LCORL: variants seen among roughly 807,000 people sequenced by gnomAD.
The protein encoded by LCORL is ligand dependent nuclear receptor corepressor like.
Under a neutral mutation model 141.8 loss-of-function variants are expected in LCORL, and 41 were observed. That is an observed-to-expected ratio of 0.29 (90% CI 0.23 to 0.38). LCORL has a LOEUF of 0.38. LCORL is among the 10% of genes least tolerant of loss of function. LCORL has a pLI of 1.00. For synonymous variants in LCORL, 618 were observed against 694.1 expected (o/e 0.89, Z 1.72); for missense variants, 1,759 against 2,035.0 (o/e 0.86, Z 2.61).
intron 5 of LCORL, among the ~76,000 whole-genome samples, chr4:17,895,622 T>G (rs1465827914): frequency 1.3e-5 from 2 of 152,188 alleles, no homozygotes; most frequent in Non-Finnish European, 2.9e-5. Flanking sequence ...TTCTCTGTAT[T>G]CAGAGTTGTG....
intron 7 of LCORL, among the ~76,000 whole-genome samples, chr4:17,865,299 A>G (rs1470343340): frequency 6.6e-6 from 1 of 152,228 alleles, no homozygotes; most frequent in African/African-American, 2.4e-5. Flanking sequence ...CAAACAGTAT[A>G]TTAGAATTAA....
intron 1 of LCORL, among the ~76,000 whole-genome samples, chr4:17,989,320 T>C (rs1449717260): frequency 1.3e-5 from 2 of 152,248 alleles, no homozygotes; most frequent in Non-Finnish European, 2.9e-5. Flanking sequence ...TTTTTGTAGA[T>C]ATCATATCTT....
At chr4:17,861,104 A>C (rs1724958350) in intron 7 of LCORL, among the ~76,000 whole-genome samples, 1 of 152,156 alleles carries the variant, frequency 6.6e-6, no homozygotes, top group Admixed American at 6.5e-5. Context: ...CTCTTCTCAC[A>C]GTTCCGCTAG....
chr4:17,907,604 G>A (rs1189998069), intron 5 of LCORL, among the ~76,000 whole-genome samples: 1 of 152,112 alleles, frequency 6.6e-6, no homozygotes, highest in Non-Finnish European at 1.5e-5. Context: ...TCTAAGTACT[G>A]ATATTTTTTT....
chr4:17,962,014 C>G, exon 4 of LCORL: 2 of 1,606,142 alleles, frequency 1.2e-6, no homozygotes, highest in East Asian at 2.2e-5. Context: ...TGTGAAGAAT[C>G]AAGAGATGGT....
In LCORL at chr4:18,021,194, G is replaced by T. The variant is rs568136143; in HGVS notation, c.154+404C>A. ...CGGACCAGCCCGCCTTCCTCCGGCC[G>T]CCCTGCCCGCCGGCTCTCCTCCGCC... is the stretch of plus-strand genomic sequence containing the variant. On this transcript the variant is annotated intron_variant, in intron 1 of 7. Coordinates refer to ENST00000635767, the Ensembl canonical transcript of LCORL. This position sits in a 1 kb window ranked among gnomAD's most constrained non-coding sequence, Gnocchi z 5.5. Among the ~76,000 whole-genome samples, 76 of 152,122 alleles carry T rather than the reference G, an allele frequency of 5.0e-4. No individual in the cohort carries two copies. Among genetic ancestry groups the T allele is most frequent in the African/African-American group, 1.8e-3 (75 of 41,560 alleles).
At chr4:17,897,240 T>TTTTTTTTTTTTTTG in intron 5 of LCORL, among the ~76,000 whole-genome samples, 2 of 132,976 alleles carry the variant, frequency 1.5e-5, no homozygotes, top group Non-Finnish European at 3.1e-5. Flanking sequence ...TTTTTTTTTT[T>TTTTTTTTTTTTTTG]TTTTTTTTTT....
At chr4:17,890,676 C>A (rs1195196155) in intron 5 of LCORL, among the ~76,000 whole-genome samples, 1 of 151,912 alleles carries the variant, frequency 6.6e-6, no homozygotes, top group Non-Finnish European at 1.5e-5. Context: ...GTAAAATGTA[C>A]AGAATTAAAG....
chr4:17,943,979 T>C (rs1738411718), intron 4 of LCORL, among the ~76,000 whole-genome samples: 1 of 152,206 alleles, frequency 6.6e-6, no homozygotes, highest in African/African-American at 2.4e-5. Flanking sequence ...CTACCCACCC[T>C]AGGTGGTTTT....
intron 7 of LCORL, among the ~76,000 whole-genome samples, chr4:17,860,665 C>CT (rs1724896701): frequency 6.6e-6 from 1 of 152,194 alleles, no homozygotes; most frequent in African/African-American, 2.4e-5. Flanking sequence ...ATTCAAAAGT[C>CT]CACAGTCCAA....
intron 2 of LCORL, among the ~76,000 whole-genome samples, chr4:17,965,080 A>C (rs1397354060): frequency 6.6e-6 from 1 of 152,130 alleles, no homozygotes. Flanking sequence ...CTTATTTTAG[A>C]TATTTTAGGA....
intron 2 of LCORL, among the ~76,000 whole-genome samples, chr4:17,971,489 C>A (rs1715929932): frequency 6.7e-6 from 1 of 149,830 alleles, no homozygotes; most frequent in Non-Finnish European, 1.5e-5. Flanking sequence ...TTTGAATGAC[C>A]TATAATGAGC....
chr4:17,888,417 C>T (rs1577334275), intron 5 of LCORL, among the ~76,000 whole-genome samples: 2 of 152,140 alleles, frequency 1.3e-5, no homozygotes, highest in Non-Finnish European at 2.9e-5. Flanking sequence ...TATGTAACTA[C>T]TTGAATTCCC....
At chr4:17,943,494 T>C (rs145332114) in intron 4 of LCORL, among the ~76,000 whole-genome samples, 74 of 152,344 alleles carry the variant, frequency 4.9e-4, no homozygotes, top group African/African-American at 1.7e-3. Flanking sequence ...AAGGAATTAC[T>C]AGAGAAAAAT....
chr4:17,885,954 C>T (rs1211530994), intron 6 of LCORL, 114 bp downstream of exon 6: 8 of 464,288 alleles, frequency 1.7e-5, no homozygotes, highest in Non-Finnish European at 2.6e-5. Flanking sequence ...TTATGAGTGA[C>T]AAAAATTCTG....
chr4:17,885,556 T>C (rs1577326948), intron 6 of LCORL, among the ~76,000 whole-genome samples: 1 of 151,852 alleles, frequency 6.6e-6, no homozygotes, highest in African/African-American at 2.4e-5. Context: ...TACTAATTAT[T>C]TATTTAATGA....
At chr4:17,851,281 TA>T (rs201850504) in intron 7 of LCORL, among the ~76,000 whole-genome samples, 17 of 148,812 alleles carry the variant, frequency 1.1e-4, no homozygotes, top group South Asian at 6.4e-4. Flanking sequence ...AGTATAATAA[TA>T]AAAAAAAAAT....
chr4:17,901,038 G>A (rs374567981), intron 5 of LCORL, among the ~76,000 whole-genome samples: 7 of 151,874 alleles, frequency 4.6e-5, no homozygotes, highest in South Asian at 2.1e-4. Flanking sequence ...TTGGATTGCC[G>A]GAATGTAGAC....
exon 8 of LCORL, chr4:17,844,667 A>C (rs1418052745): frequency 1.3e-5 from 2 of 152,018 alleles, no homozygotes; most frequent in Non-Finnish European, 2.9e-5. Context: ...TGTTTTAAAG[A>C]CAATTTGCAG....
Sources: allele counts gnomAD v4.1 joint callset (sites outside exome capture counted in the v4.1 genomes callset), GRCh38; gene constraint gnomAD v4.1.1; non-coding constraint Gnocchi (gnomAD v3.1); transcripts MANE v1.5; gene names NCBI Gene and HGNC (gene_info 2026-07-23, HGNC 2026-07-21).